CNTNAP4: variants seen among roughly 807,000 people sequenced by gnomAD.
CNTNAP4 encodes the protein contactin-associated protein-like 4.
A neutral mutation model predicts 148.4 loss-of-function variants in CNTNAP4; 98 were observed. That is an observed-to-expected ratio of 0.66 (90% CI 0.56 to 0.78). CNTNAP4 has a LOEUF of 0.78. Among genes scored for constraint, CNTNAP4 ranks in the 30% least tolerant of loss-of-function variants. CNTNAP4 has a pLI of 0.00. For synonymous variants in CNTNAP4, 730 were observed against 565.1 expected (o/e 1.29, Z -4.14); for missense variants, 1,935 against 1,565.6 (o/e 1.24, Z -3.98).
At chr16:76,307,410 T>G (rs1277102743) in intron 1 of CNTNAP4, among the ~76,000 whole-genome samples, 6 of 150,388 alleles carry the variant, frequency 4.0e-5, no homozygotes, top group Middle Eastern at 3.4e-3. Flanking sequence ...ATTATCATTG[T>G]GGAAAAAATG....
At chr16:76,501,560 C>G (rs552829776) in intron 15 of CNTNAP4, among the ~76,000 whole-genome samples, 14 of 152,138 alleles carry the variant, frequency 9.2e-5, no homozygotes, top group African/African-American at 2.4e-4. Flanking sequence ...TGGCAGTGTT[C>G]GGAGACATTG....
intron 21 of CNTNAP4, 87 bp downstream of exon 21, chr16:76,540,877 T>C: frequency 1.2e-6 from 1 of 842,718 alleles, no homozygotes; most frequent in African/African-American, 1.7e-5. Flanking sequence ...ACACACCCAC[T>C]TCGTCATGGC....
Position 76,519,410 on chromosome 16 carries a change from G to A in CNTNAP4, c.2366-1730G>A, listed in dbSNP as rs1568482355. 2.0e-5 allele frequency among the ~76,000 whole-genome samples: 3 copies of A among 151,878 alleles called. No homozygotes were observed. The South Asian group carries it at 6.2e-4, about 32-fold the overall frequency. On this transcript the variant is annotated intron_variant, in intron 15 of 23. Transcript: ENST00000611870. Reference sequence around the variant, plus strand: ...TATTGAGTTAGTTATGATATAATATGAAAAAAATAAATGTTATGTCATAAT... The same window carrying A: ...TATTGAGTTAGTTATGATATAATATAAAAAAAATAAATGTTATGTCATAAT...
At chr16:76,404,887 C>G (rs1367339177) in intron 3 of CNTNAP4, among the ~76,000 whole-genome samples, 2 of 151,974 alleles carry the variant, frequency 1.3e-5, no homozygotes, top group Non-Finnish European at 2.9e-5. Context: ...ATTTTCATAA[C>G]ATAAAAATGG....
At chr16:76,450,753 T>G (rs560237281) in intron 7 of CNTNAP4, among the ~76,000 whole-genome samples, 8 of 152,284 alleles carry the variant, frequency 5.3e-5, no homozygotes, top group Admixed American at 3.9e-4. Flanking sequence ...TCTAATTCTG[T>G]GGAAACGGGG....
At chr16:76,395,600 T>C (rs1567989092) in intron 3 of CNTNAP4, among the ~76,000 whole-genome samples, 1 of 152,030 alleles carries the variant, frequency 6.6e-6, no homozygotes, top group African/African-American at 2.4e-5. Context: ...AATTATTTTA[T>C]TGGAAAAAAT....
At chr16:76,322,359 CACAGA>C (rs1332738412) in intron 2 of CNTNAP4, among the ~76,000 whole-genome samples, 1 of 152,148 alleles carries the variant, frequency 6.6e-6, no homozygotes, top group Non-Finnish European at 1.5e-5. Flanking sequence ...CCCTAACAGT[CACAGA>C]ACTTGAGCCT....
intron 4 of CNTNAP4, 95 bp downstream of exon 4, chr16:76,427,694 A>G: frequency 7.1e-6 from 8 of 1,121,174 alleles, no homozygotes; most frequent in Non-Finnish European, 9.9e-6. Context: ...TAGCTACATA[A>G]AGAGGTATAA....
At chr16:76,353,405 T>G (rs938479757) in intron 2 of CNTNAP4, among the ~76,000 whole-genome samples, 1 of 152,204 alleles carries the variant, frequency 6.6e-6, no homozygotes, top group Non-Finnish European at 1.5e-5. Context: ...CAGTTTGTTG[T>G]AATGCAATTT....
intron 2 of CNTNAP4, among the ~76,000 whole-genome samples, chr16:76,346,233 A>G (rs1964889083): frequency 6.6e-6 from 1 of 152,160 alleles, no homozygotes; most frequent in South Asian, 2.1e-4. Flanking sequence ...TAAATGATTT[A>G]ATCAACCGAA....
chr16:76,520,468 T>A (rs2083412289), intron 15 of CNTNAP4, among the ~76,000 whole-genome samples: 1 of 152,184 alleles, frequency 6.6e-6, no homozygotes, highest in Non-Finnish European at 1.5e-5. Context: ...TTTTGAACAT[T>A]TGTAAACATT....
At chr16:76,411,953 C>T (rs1386049351) in intron 3 of CNTNAP4, among the ~76,000 whole-genome samples, 1 of 151,424 alleles carries the variant, frequency 6.6e-6, no homozygotes, top group Non-Finnish European at 1.5e-5. Context: ...TTACTGTTGA[C>T]TCTTACCTCC....
intron 4 of CNTNAP4, among the ~76,000 whole-genome samples, chr16:76,443,847 A>G (rs924902692): frequency 6.6e-6 from 1 of 152,124 alleles, no homozygotes; most frequent in Non-Finnish European, 1.5e-5. Context: ...TAAGAGCTCA[A>G]ATATCTGAGA....
At chr16:76,286,835 A>T (rs1958907450) in intron 1 of CNTNAP4, among the ~76,000 whole-genome samples, 1 of 152,224 alleles carries the variant, frequency 6.6e-6, no homozygotes, top group African/African-American at 2.4e-5. Flanking sequence ...TTTATAATAC[A>T]TATTTACATT....
At chr16:76,455,969 T>C (rs568496037) in intron 8 of CNTNAP4, among the ~76,000 whole-genome samples, 11 of 152,136 alleles carry the variant, frequency 7.2e-5, no homozygotes, top group African/African-American at 2.7e-4. Flanking sequence ...ATTTTGTATG[T>C]TTATGTGGTT....
At chr16:76,528,310 G>A (rs1222280073) in intron 17 of CNTNAP4, among the ~76,000 whole-genome samples, 2 of 152,104 alleles carry the variant, frequency 1.3e-5, no homozygotes, top group African/African-American at 4.8e-5. Context: ...ACCCAGACTG[G>A]AGTACAGTGG....
chr16:76,392,479 A>G (rs1469219320), intron 3 of CNTNAP4, among the ~76,000 whole-genome samples: 2 of 152,194 alleles, frequency 1.3e-5, no homozygotes, highest in Non-Finnish European at 2.9e-5. Flanking sequence ...GAATTCCGCA[A>G]ATCTACTTCT....
At chr16:76,523,795 G>A (rs886453873) in intron 17 of CNTNAP4, among the ~76,000 whole-genome samples, 2 of 152,072 alleles carry the variant, frequency 1.3e-5, no homozygotes, top group Non-Finnish European at 2.9e-5. Context: ...AGGCAGGCAT[G>A]GTGGCACTCG....
intron 1 of CNTNAP4, among the ~76,000 whole-genome samples, chr16:76,301,512 T>G (rs747346869): frequency 2.0e-5 from 3 of 152,180 alleles, no homozygotes; most frequent in Non-Finnish European, 4.4e-5. Context: ...TAGTGGTATT[T>G]GCAAACAGTA....
Sources: allele counts gnomAD v4.1 joint callset (sites outside exome capture counted in the v4.1 genomes callset), GRCh38; gene constraint gnomAD v4.1.1; transcripts MANE v1.5; gene names NCBI Gene and HGNC (gene_info 2026-07-23, HGNC 2026-07-21).